Variants in UNC13D observed in about 807,000 individuals in gnomAD.
UNC13D encodes the protein unc-13 homolog D.
A neutral mutation model predicts 151.7 loss-of-function variants in UNC13D; 115 were observed. That is an observed-to-expected ratio of 0.76 (90% confidence interval 0.65 to 0.88). The LOEUF is 0.88. UNC13D is among the 40% of genes least tolerant of loss of function. The probability of loss-of-function intolerance (pLI) is 0.00; values close to 1 mark genes in which losing one functional copy is unlikely to be tolerated. For missense variants in UNC13D, 1,369 were observed against 1,438.7 expected, an observed-to-expected ratio of 0.95 and a Z score of 0.78; for synonymous variants, 588 against 612.2, an observed-to-expected ratio of 0.96 and a Z score of 0.58.
In UNC13D at chr17:75,835,415, C is replaced by T. The variant is rs1248226428; in HGVS notation, c.1842G>A (p.Met614Ile). The change falls in exon 20 of 32, where the codon ATG (methionine) becomes ATA (isoleucine). Residue 614 changes from methionine to isoleucine, a missense_variant. By Grantham distance (10) the Met-to-Ile change is conservative. Coordinates refer to ENST00000207549, the MANE Select transcript of UNC13D (RefSeq NM_199242.3). ...GCCCTGGCCACGCCCCCACCTCATCCATCTGCACAGCGCGCTGCACCCGCG... is the reference window on the plus strand; with the variant it reads ...GCCCTGGCCACGCCCCCACCTCATCTATCTGCACAGCGCGCTGCACCCGCG... ...ALARVQRAVQ[M>I]DELVPLGELT... 6.2e-7 allele frequency: 1 copy of T among 1,612,250 alleles called. No homozygotes were observed.
rs1293143009 is a variant in UNC13D, at chr17:75,832,642, C to CT, written c.2447+323dup. On this transcript the variant is annotated intron_variant, in intron 25 of 31. Coordinates refer to ENST00000207549, the MANE Select transcript of UNC13D (RefSeq NM_199242.3). The surrounding 1 kb of genome is among the most constrained non-coding windows in gnomAD (Gnocchi z 4.3). Reference sequence around the variant, plus strand: ...AAGGACAGGTAGATTTTGGCTCAGCCTAAGGAAGAACTCAAAGCACTCAGA... The same window carrying CT: ...AAGGACAGGTAGATTTTGGCTCAGCCTTAAGGAAGAACTCAAAGCACTCAGA... 6.8e-6 allele frequency: 2 copies of CT among 292,380 alleles called. No homozygotes were observed. The highest frequency in any genetic ancestry group is 1.4e-5 in the Non-Finnish European group (2 of 144,534). 18.1% of individuals were successfully genotyped at this position (292,380 alleles called of 1,614,324 possible).
intron 31 of UNC13D, among the ~76,000 whole-genome samples, 188 bp downstream of exon 31, chr17:75,828,599 G>A (rs538089510): frequency 3.3e-5 from 5 of 152,218 alleles, no homozygotes; most frequent in Non-Finnish European, 7.3e-5. Flanking sequence ...CATGCAAGGA[G>A]AGTCACGTTA....
chr17:75,831,573 A>G (rs2064873064), intron 25 of UNC13D: 3 of 586,898 alleles, frequency 5.1e-6, no homozygotes. Context: ...CACACCTCTC[A>G]ACCTCAGTGA....
At position 75,844,332 on chromosome 17, in the gene UNC13D, C is replaced by A. The variant is rs767266346; in HGVS notation, c.6G>T (p.Ala2=). Residue 2 remains alanine, a synonymous_variant, in exon 1 of 32, where the codon GCG becomes GCT. Transcript: ENST00000207549. Reference sequence around the variant, plus strand: ...GCTGCTGCGGATGGGAGAGGAGTGTCGCCATGGTGGCCTTCTCTGCCCTTC... The same window carrying A: ...GCTGCTGCGGATGGGAGAGGAGTGTAGCCATGGTGGCCTTCTCTGCCCTTC... M[A]TLLSHPQQRP... is the part of the protein sequence containing the mutation. 6.2e-7 allele frequency: 1 copy of A among 1,609,620 alleles called. No individual in the cohort carries two copies. The highest frequency in any genetic ancestry group is 1.3e-5 in the African/African-American group (1 of 74,866).
Position 75,828,859 on chromosome 17 carries a change from C to T in UNC13D, c.3079G>A (p.Gly1027Arg), listed in dbSNP as rs776703437. The change falls in exon 31 of 32, where the codon GGG becomes AGG. Residue 1027 changes from glycine to arginine, a missense_variant. Gly to Arg is a moderately radical substitution (Grantham distance 125). Transcript: ENST00000207549. ...CCAGGCTCCTCAGAGCCACTCAGCC[C>T]GGGCACCTCACGCAGCGGCAGGAAG... is the stretch of plus-strand genomic sequence containing the variant. The part of the protein sequence containing the change: ...EAFLPLREVP[G>R]LSGSEEPGEV... 1.9e-5 allele frequency: 30 copies of T among 1,595,040 alleles called. No homozygotes were observed. The highest frequency in any genetic ancestry group is 1.8e-4 in the Middle Eastern group (1 of 5,628).
chr17:75,828,120 G>C (rs940263645), intron 31 of UNC13D, 34 bp from the exon 32 acceptor site: 34 of 1,565,378 alleles, frequency 2.2e-5, no homozygotes, highest in Non-Finnish European at 2.9e-5. Context: ...TCAGATGCCA[G>C]GGGAGAGGGC....
intron 25 of UNC13D, chr17:75,831,792 C>A (rs2064874354): frequency 1.1e-5 from 2 of 185,094 alleles, no homozygotes; most frequent in African/African-American, 4.7e-5. Context: ...GAAACCCCGT[C>A]TCTACTAAAA....
Position 75,833,172 on chromosome 17 carries a change from G to A in UNC13D, c.2368-127C>T. On this transcript the variant is annotated intron_variant, in intron 24 of 31. Transcript: ENST00000207549. This position sits in a 1 kb window ranked among gnomAD's most constrained non-coding sequence, Gnocchi z 4.0. ...TCTGTGAGAGCAGTTTGTAGTGTCT[G>A]TAAGAGGCCGGCCTGCCCACCTCTC... 1 of 906,552 alleles carries A rather than the reference G, an allele frequency of 1.1e-6. No homozygotes were observed. Among genetic ancestry groups the A allele is most frequent in the Non-Finnish European group, 1.7e-6 (1 of 580,432 alleles). 56.2% of individuals were successfully genotyped at this position (906,552 alleles called of 1,614,324 possible).
rs1161744102 is a variant in UNC13D at position 75,831,162 on chromosome 17, T to C, written c.2561A>G (p.Glu854Gly). The change falls in exon 27 of 32, where the codon GAG becomes GGG. Residue 854 changes from glutamate to glycine, a missense_variant. Around this residue, in one of 3 missense-constraint regions of UNC13D, gnomAD observed 807 missense variants for 795.5 expected, o/e 1.01. Coordinates refer to ENST00000207549, the MANE Select transcript of UNC13D (RefSeq NM_199242.3). Reference protein sequence around the residue: ...NRLKIALQNLEICFHAEGCGL... With the variant: ...NRLKIALQNLGICFHAEGCGL... ...ACAGCCCTCAGCGTGGAAGCAGATCTCCAGGTTCTGGGGGAGATATCAGAG... is the reference window on the plus strand; with the variant it reads ...ACAGCCCTCAGCGTGGAAGCAGATCCCCAGGTTCTGGGGGAGATATCAGAG... The C allele has an allele frequency of 4.3e-6, 7 of 1,613,926 alleles. No individual in the cohort carries two copies. In the Admixed American group the frequency reaches 1.0e-4, roughly 23 times the overall value.
In UNC13D at chr17:75,842,487, C is replaced by G. The variant is rs769659694; in HGVS notation, c.515G>C (p.Arg172Pro). 1.9e-6 allele frequency: 3 copies of G among 1,613,298 alleles called. No individual in the cohort carries two copies. The highest frequency in any genetic ancestry group is 2.5e-6 in the Non-Finnish European group (3 of 1,179,896). The change falls in exon 6 of 32, where the codon CGC becomes CCC. Residue 172 changes from arginine (R) to proline (P), a missense_variant. Around this residue, in one of 3 missense-constraint regions of UNC13D, gnomAD observed 550 missense variants for 609.0 expected, o/e 0.90. Transcript: ENST00000207549. Reference sequence around the variant, plus strand: ...GAGTGTCTGGGTGATGACCTGCGTGCGGTGGGTCTCCTCCTCGGGGATGGT... The same window carrying G: ...GAGTGTCTGGGTGATGACCTGCGTGGGGTGGGTCTCCTCCTCGGGGATGGT... ...RHTIPEEETHRTQVITQTLNP... is the reference protein window; with the variant it reads ...RHTIPEEETHPTQVITQTLNP...
chr17:75,839,798 G>A, intron 12 of UNC13D, 41 bp downstream of exon 12: 2 of 1,603,540 alleles, frequency 1.2e-6, no homozygotes, highest in Non-Finnish European at 1.7e-6. Flanking sequence ...GGGCGTGGGG[G>A]GCTGGTGGCT....
At position 75,843,210 on chromosome 17, in the gene UNC13D, A is replaced by C. The variant is rs200506588; in HGVS notation, c.210T>G (p.Pro70=). The change falls in exon 3 of 32, where the codon CCT becomes CCG. Residue 70 remains proline, a synonymous_variant. Coordinates refer to ENST00000207549, the MANE Select transcript of UNC13D (RefSeq NM_199242.3). ...AGGCCTCCGTCACATGGTTGGGCTC[A>C]GGATGACCCAGGCGGTGCAAGACAG... ...LYTVLHRLGH[P]EPNHVTEASE... The C allele has an allele frequency of 3.7e-6, 6 of 1,611,890 alleles. No individual in the cohort carries two copies. Among genetic ancestry groups the C allele is most frequent in the Non-Finnish European group, 5.1e-6 (6 of 1,179,950 alleles).
At position 75,842,039 on chromosome 17, in the gene UNC13D, G is replaced by A. The variant is rs546843421; in HGVS notation, c.569+394C>T. Among the ~76,000 whole-genome samples, 306 of 151,938 alleles carry A rather than the reference G, an allele frequency of 2.0e-3. 1 individual carries two copies. Among genetic ancestry groups the A allele is most frequent in the African/African-American group, 7.1e-3 (293 of 41,436 alleles). Reference sequence around the variant, plus strand: ...TGGGATTATAGGCGTGAGCCACCACGCCCGGCCTTTTTTGTATTTTTAGTA... The same window carrying A: ...TGGGATTATAGGCGTGAGCCACCACACCCGGCCTTTTTTGTATTTTTAGTA... On this transcript the variant is annotated intron_variant, in intron 6 of 31. Coordinates refer to ENST00000207549, the MANE Select transcript of UNC13D (RefSeq NM_199242.3).
At chr17:75,843,368 T>C (rs2064963378) in intron 2 of UNC13D, 102 bp from the exon 3 acceptor site, 4 of 1,569,100 alleles carry the variant, frequency 2.5e-6, no homozygotes, top group Non-Finnish European at 2.6e-6. Context: ...CGGAGGGAGT[T>C]GAGACCCAGG....
chr17:75,834,324 C>T lies in UNC13D; in HGVS notation c.2298+1G>A. ...GGTGACTGTGCGGTCGGACAAGGTA[C>T]CTGCTCGGCCAGGGTGCGGACGCCA... On this transcript the variant is annotated splice_donor_variant, in intron 23 of 31. Transcript: ENST00000207549. LOFTEE classifies it high-confidence loss of function. The T allele has an allele frequency of 3.8e-6, 6 of 1,594,470 alleles. No individual in the cohort carries two copies. The highest frequency in any genetic ancestry group is 5.1e-6 in the Non-Finnish European group (6 of 1,178,678).
In UNC13D at chr17:75,828,889, C is replaced by T. The variant is rs776737156; in HGVS notation, c.3049G>A (p.Glu1017Lys). ...ACCTCACGCAGCGGCAGGAAGGCCT[C>T]GCCTTCCAGGTCGTCGGCCCCCAGC... The part of the protein sequence containing the change: ...DTLGADDLEG[E>K]AFLPLREVPG... The change falls in exon 31 of 32, where the codon GAG (glutamate) becomes AAG (lysine). Residue 1017 changes from glutamate to lysine, a missense_variant. This residue lies in a region of UNC13D where 807 missense variants were observed against 795.5 expected (regional missense o/e 1.01). Transcript: ENST00000207549. 1.9e-5 allele frequency: 31 copies of T among 1,605,552 alleles called. No homozygotes were observed. Among genetic ancestry groups the T allele is most frequent in the Non-Finnish European group, 2.4e-5 (28 of 1,178,902 alleles).
chr17:75,829,903 TC>T, intron 30 of UNC13D, 124 bp downstream of exon 30: 2 of 1,448,698 alleles, frequency 1.4e-6, no homozygotes, highest in Non-Finnish European at 9.4e-7. Flanking sequence ...AGATGCCCCA[TC>T]CCTTGGGCCC....
intron 13 of UNC13D, 43 bp from the exon 14 acceptor site, chr17:75,836,739 C>T (rs2064912088): frequency 6.2e-7 from 1 of 1,613,316 alleles, no homozygotes; most frequent in Admixed American, 1.7e-5. Context: ...ACAGCTGCTG[C>T]TGCTCCCCTG....
chr17:75,831,073 G>A (rs781299066), intron 27 of UNC13D, 25 bp downstream of exon 27: 36 of 1,613,270 alleles, frequency 2.2e-5, no homozygotes, highest in African/African-American at 4.0e-5. Flanking sequence ...GACTTCCTAC[G>A]GGGAAGCTCA....
Sources: allele counts gnomAD v4.1 joint callset (sites outside exome capture counted in the v4.1 genomes callset), GRCh38; gene constraint gnomAD v4.1.1; regional missense constraint gnomAD v4.1.1; non-coding constraint Gnocchi (gnomAD v3.1); transcripts MANE v1.5; gene names NCBI Gene and HGNC (gene_info 2026-07-23, HGNC 2026-07-21).